The following CDH13 variants were observed in gnomAD, a reference collection of about 807,000 sequenced individuals.
CDH13 encodes cadherin 13, also known as cadherin-13.
Under a neutral mutation model 63.8 loss-of-function variants are expected in CDH13, and 24 were observed. That is an observed-to-expected ratio of 0.38 (90% CI 0.27 to 0.53). CDH13 has a LOEUF of 0.53. CDH13 is among the 20% of genes least tolerant of loss of function. CDH13 has a pLI of 0.85. For missense variants in CDH13, 1,049 were observed against 903.1 expected, an observed-to-expected ratio of 1.16 and a Z score of -2.07; for synonymous variants, 503 against 355.3, an observed-to-expected ratio of 1.42 and a Z score of -4.67.
chr16:83,273,662 G>A (rs2088894287), intron 5 of CDH13, among the ~76,000 whole-genome samples: 1 of 152,180 alleles, frequency 6.6e-6, no homozygotes, highest in South Asian at 2.1e-4. Flanking sequence ...CCACAAAGGG[G>A]TACATAAAAG....
chr16:82,860,603 C>A (rs1413513921), intron 2 of CDH13, among the ~76,000 whole-genome samples: 1 of 150,612 alleles, frequency 6.6e-6, no homozygotes, highest in Non-Finnish European at 1.5e-5. Flanking sequence ...TTTGATTAGC[C>A]CCTCTTGGTG....
chr16:82,753,750 A>G (rs2034509490), intron 1 of CDH13, among the ~76,000 whole-genome samples: 1 of 152,120 alleles, frequency 6.6e-6, no homozygotes, highest in Non-Finnish European at 1.5e-5. Context: ...ACCTCGATTA[A>G]TGGGTTTTAC....
rs1164145775 is a variant in CDH13 at position 83,414,084 on chromosome 16, A to G, written c.781+69078A>G. Among the ~76,000 whole-genome samples the G allele has an allele frequency of 3.9e-5, 6 of 152,224 alleles. No individual in the cohort carries two copies. In the South Asian group the frequency reaches 8.3e-4, roughly 21 times the overall value. ...TGATTCTTTTACTTCCCTAACAAGT[A>G]CCTGCTTACCAACCTGCTATAGTTT... On this transcript the variant is annotated intron_variant, in intron 6 of 13. Transcript: ENST00000567109.
intron 3 of CDH13, among the ~76,000 whole-genome samples, chr16:83,077,063 C>G (rs1029197071): frequency 7.3e-5 from 11 of 151,348 alleles, no homozygotes; most frequent in African/African-American, 2.4e-4. Context: ...AGACTTGTTT[C>G]AAGTTTCATT....
chr16:82,845,866 A>C (rs59329801), intron 1 of CDH13, among the ~76,000 whole-genome samples: 43,251 of 152,156 alleles, frequency 0.28, 6,325 homozygotes, highest in South Asian at 0.31. Context: ...TTCCCAGTGT[A>C]GTAACTTAAA....
chr16:83,395,716 G>A (rs180987743), intron 6 of CDH13, among the ~76,000 whole-genome samples: 67 of 152,316 alleles, frequency 4.4e-4, no homozygotes, highest in African/African-American at 1.6e-3. Context: ...TCACATAGTG[G>A]TTGAAACTGA....
At chr16:82,693,056 C>A (rs1372735583) in intron 1 of CDH13, among the ~76,000 whole-genome samples, 1 of 152,158 alleles carries the variant, frequency 6.6e-6, no homozygotes, top group East Asian at 1.9e-4. Context: ...GGCCATGTAG[C>A]AAGGAGCTGG....
intron 2 of CDH13, among the ~76,000 whole-genome samples, chr16:82,938,590 G>T (rs939759788): frequency 3.3e-5 from 5 of 152,214 alleles, no homozygotes; most frequent in African/African-American, 1.2e-4. Context: ...CACTGGTCCA[G>T]TGGGGACACA....
Position 83,521,133 on chromosome 16 carries a change from G to C in CDH13, c.960+34478G>C, listed in dbSNP as rs562143566. 2.0e-5 allele frequency among the ~76,000 whole-genome samples: 3 copies of C among 152,206 alleles called. No individual in the cohort carries two copies. The South Asian group carries it at 6.2e-4, about 32-fold the overall frequency. On this transcript the variant is annotated intron_variant, in intron 7 of 13. Coordinates refer to ENST00000567109, the MANE Select transcript of CDH13 (RefSeq NM_001257.5). ...CATACCCCATCACCACAGTGCCACA[G>C]TAAATGGAAAACCAGCACTTTGCTA...
At chr16:82,922,986 C>G (rs954481364) in intron 2 of CDH13, among the ~76,000 whole-genome samples, 6 of 152,110 alleles carry the variant, frequency 3.9e-5, no homozygotes, top group Admixed American at 1.3e-4. Context: ...CATATTTATA[C>G]TGTAGTCTCT....
chr16:83,545,659 C>G (rs1230585579), intron 7 of CDH13, among the ~76,000 whole-genome samples: 2 of 152,092 alleles, frequency 1.3e-5, no homozygotes, highest in Non-Finnish European at 2.9e-5. Context: ...TCTACCAGAC[C>G]TCCTCTGCCA....
intron 8 of CDH13, among the ~76,000 whole-genome samples, chr16:83,623,532 C>G (rs1380298635): frequency 6.6e-6 from 1 of 152,138 alleles, no homozygotes; most frequent in Non-Finnish European, 1.5e-5. Flanking sequence ...CAAAGAATGT[C>G]CGTTGCATTA....
intron 4 of CDH13, among the ~76,000 whole-genome samples, chr16:83,198,376 A>T (rs911621114): frequency 6.6e-6 from 1 of 152,134 alleles, no homozygotes; most frequent in African/African-American, 2.4e-5. Flanking sequence ...TCAAGAATAA[A>T]TATGTGGGGA....
chr16:83,470,711 G>A lies in CDH13; in HGVS notation c.782-15766G>A, dbSNP rs117625489. ...ACAGGCTCAGCAGATAACACGCCTAGCCCAGAGCTGCACGTCCTCTGCCTC... is the reference window on the plus strand; with the variant it reads ...ACAGGCTCAGCAGATAACACGCCTAACCCAGAGCTGCACGTCCTCTGCCTC... On this transcript the variant is annotated intron_variant, in intron 6 of 13. Transcript: ENST00000567109. 1.8e-3 allele frequency among the ~76,000 whole-genome samples: 278 copies of A among 152,280 alleles called. 6 individuals carry two copies. The East Asian group carries it at 0.034, about 18-fold the overall frequency.
intron 10 of CDH13, among the ~76,000 whole-genome samples, chr16:83,716,510 G>T (rs941985194): frequency 6.6e-6 from 1 of 152,060 alleles, no homozygotes; most frequent in African/African-American, 2.4e-5. Context: ...TTGAGTCACA[G>T]TCTTGCTCTG....
At chr16:83,019,230 G>C (rs996808888) in intron 2 of CDH13, among the ~76,000 whole-genome samples, 2 of 151,990 alleles carry the variant, frequency 1.3e-5, no homozygotes, top group African/African-American at 4.8e-5. Flanking sequence ...TTATTTTATA[G>C]ACCTTTCTAT....
intron 7 of CDH13, among the ~76,000 whole-genome samples, chr16:83,552,411 T>G (rs1427279069): frequency 1.3e-5 from 2 of 152,230 alleles, no homozygotes; most frequent in Admixed American, 1.3e-4. Context: ...CAGTGGAGGA[T>G]GCACCAATTG....
chr16:82,628,173 C>G (rs779204163), intron 1 of CDH13, among the ~76,000 whole-genome samples: 5 of 152,210 alleles, frequency 3.3e-5, no homozygotes, highest in African/African-American at 4.8e-5. Flanking sequence ...TCGGAGAGCA[C>G]CCCGATCCAG....
chr16:83,224,298 G>A (rs776992811), intron 5 of CDH13, among the ~76,000 whole-genome samples: 2 of 152,194 alleles, frequency 1.3e-5, no homozygotes, highest in African/African-American at 2.4e-5. Flanking sequence ...ATTGCGAATT[G>A]AGCTGCTATA....
Sources: allele counts gnomAD v4.1 joint callset (sites outside exome capture counted in the v4.1 genomes callset), GRCh38; gene constraint gnomAD v4.1.1; transcripts MANE v1.5; gene names NCBI Gene and HGNC (gene_info 2026-07-23, HGNC 2026-07-21).